The following CPLX4 variants were observed in gnomAD, a reference collection of about 807,000 sequenced individuals.
CPLX4 encodes the protein complexin-4.
A neutral mutation model predicts 16.1 loss-of-function variants in CPLX4; 17 were observed. The ratio of observed to expected loss-of-function variants is 1.06; its 90% confidence interval spans 0.72 to 1.59. The LOEUF is 1.59. Among genes scored for constraint, CPLX4 ranks in the 40% most tolerant of loss-of-function variants. CPLX4 has a pLI of 0.00. For missense variants in CPLX4, 193 were observed against 192.9 expected, an observed-to-expected ratio of 1.00 and a Z score of 0.00; for synonymous variants, 55 against 57.8, an observed-to-expected ratio of 0.95 and a Z score of 0.22.
At chr18:59,299,918 G>C (rs1237647412) in intron 2 of CPLX4, among the ~76,000 whole-genome samples, 1 of 152,212 alleles carries the variant, frequency 6.6e-6, no homozygotes. Context: ...GGTGATTCTG[G>C]GGCTTGCTGA....
In CPLX4 at chr18:59,296,697, C is replaced by T. The variant is rs761684060; in HGVS notation, c.*1G>A. ...TTCCCTCCCTCCACCCCTCCCACCC[C>T]TCACATCACGGAACACTTCTGCTCC... is the stretch of plus-strand genomic sequence containing the variant. On this transcript the variant is annotated 3_prime_UTR_variant, in exon 3 of 3. Transcript: ENST00000299721. 2.5e-6 allele frequency: 4 copies of T among 1,611,276 alleles called. No individual in the cohort carries two copies. In the Admixed American group the frequency reaches 5.0e-5, roughly 20 times the overall value.
At chr18:59,314,901 C>G (rs2070642273) in intron 1 of CPLX4, among the ~76,000 whole-genome samples, 1 of 152,196 alleles carries the variant, frequency 6.6e-6, no homozygotes, top group Non-Finnish European at 1.5e-5. Context: ...CACCATTTGT[C>G]TAGTCATTTT....
At chr18:59,311,661 T>C (rs983481301) in intron 2 of CPLX4, among the ~76,000 whole-genome samples, 6 of 152,130 alleles carry the variant, frequency 3.9e-5, no homozygotes, top group African/African-American at 1.4e-4. Flanking sequence ...GAATATGAAA[T>C]TGAATAACCA....
rs1334321921 is a variant in CPLX4, at chr18:59,296,434, A to T, written c.*264T>A. ...CTCATCTCAAGGTCTTTAAGCAGATATGTGTTCTGCATCATCATTTACAAC... is the reference window on the plus strand; with the variant it reads ...CTCATCTCAAGGTCTTTAAGCAGATTTGTGTTCTGCATCATCATTTACAAC... On this transcript the variant is annotated 3_prime_UTR_variant, in exon 3 of 3. Transcript: ENST00000299721. The T allele has an allele frequency of 8.0e-6, 4 of 497,396 alleles. No individual in the cohort carries two copies. Among genetic ancestry groups the T allele is most frequent in the Middle Eastern group, 5.4e-4 (1 of 1,846 alleles). 30.8% of individuals were successfully genotyped at this position (497,396 alleles called of 1,614,324 possible).
intron 1 of CPLX4, among the ~76,000 whole-genome samples, chr18:59,314,533 T>G (rs1218670517): frequency 6.6e-6 from 1 of 152,202 alleles, no homozygotes; most frequent in African/African-American, 2.4e-5. Context: ...TCCAATGCAA[T>G]GCACAAACCT....
chr18:59,296,040 C>T lies in CPLX4; in HGVS notation c.*658G>A, dbSNP rs7243416. 46,473 of 152,140 alleles carry T rather than the reference C, an allele frequency of 0.31. 7,317 individuals are homozygous for T. Among genetic ancestry groups the T allele is most frequent in the East Asian group, 0.52 (2,672 of 5,166 alleles). 9.4% of individuals were successfully genotyped at this position (152,140 alleles called of 1,614,324 possible). A position where few individuals can be genotyped will look rare whatever the true frequency, so the allele number is the denominator to read the frequency against. On this transcript the variant is annotated 3_prime_UTR_variant, in exon 3 of 3. Transcript: ENST00000299721. Reference sequence around the variant, plus strand: ...TCCATTCTTCACATGGCCACTAGAACGATGATCTCCATTGCAAAGGGCTAG... The same window carrying T: ...TCCATTCTTCACATGGCCACTAGAATGATGATCTCCATTGCAAAGGGCTAG...
At chr18:59,298,467 G>T (rs924731539) in intron 2 of CPLX4, among the ~76,000 whole-genome samples, 1 of 151,996 alleles carries the variant, frequency 6.6e-6, no homozygotes, top group African/African-American at 2.4e-5. Context: ...TGAGAGGAAA[G>T]ATCTATGTTA....
chr18:59,315,212 A>G (rs147182352), intron 1 of CPLX4, among the ~76,000 whole-genome samples: 252 of 152,294 alleles, frequency 1.7e-3, no homozygotes, highest in African/African-American at 5.8e-3. Context: ...TTTTAGCCAT[A>G]CTGGTGTTTA....
chr18:59,318,405 C>G lies in CPLX4; in HGVS notation c.58G>C (p.Gly20Arg), dbSNP rs145936799. 1.1e-5 allele frequency: 18 copies of G among 1,613,634 alleles called. No homozygotes were observed. The African/African-American group carries it at 2.1e-4, about 19-fold the overall frequency. Residue 20 changes from glycine to arginine, a missense_variant, in exon 1 of 3, where the codon GGT becomes CGT. Physicochemically the swap from Gly to Arg is moderately radical, Grantham distance 125. Transcript: ENST00000299721. ...SNQVKNLGFG[G>R]GSEENKEEGG... ...TCTTCTTTATTTTCTTCAGACCCAC[C>G]ACCAAATCCTAAATTCTTTACCTGG... is the stretch of plus-strand genomic sequence containing the variant.
rs1412188964 is a variant in CPLX4 at position 59,301,337 on chromosome 18, A to G, written c.256-4412T>C. ...AGAGACCAAGAGAGCCCTCTAAAAC[A>G]TGGGCCCCAGGGCAGTGGCCTCAGA... On this transcript the variant is annotated intron_variant, in intron 2 of 2. Transcript: ENST00000299721. Among the ~76,000 whole-genome samples the G allele has an allele frequency of 2.0e-5, 3 of 152,230 alleles. No homozygotes were observed. In the East Asian group the frequency reaches 5.8e-4, roughly 29 times the overall value.
intron 2 of CPLX4, among the ~76,000 whole-genome samples, chr18:59,300,194 G>A (rs895108572): frequency 6.6e-6 from 1 of 152,144 alleles, no homozygotes; most frequent in South Asian, 2.1e-4. Flanking sequence ...TTAGCAGGGA[G>A]TGGTGGCACA....
intron 2 of CPLX4, among the ~76,000 whole-genome samples, chr18:59,311,733 T>A (rs1329367925): frequency 6.6e-6 from 1 of 152,162 alleles, no homozygotes; most frequent in African/African-American, 2.4e-5. Context: ...TGGAGTCAGG[T>A]GGTATGAGTC....
Position 59,312,703 on chromosome 18 carries a change from TTC to T in CPLX4, c.235_236del (p.Glu79LysfsTer8), listed in dbSNP as rs2070625843. ...ERACLRVHLR[E>X]KYRLPKSEMD... ...GTCTTACCTTTGGGAGCCTGTATTT[TTC>T]TCTGAGATGAACTCTGAGGCATGCC... On this transcript the variant is annotated frameshift_variant, in exon 2 of 3. Coordinates refer to ENST00000299721, the MANE Select transcript of CPLX4 (RefSeq NM_181654.4). LOFTEE classifies it high-confidence loss of function. The T allele has an allele frequency of 7.3e-7, 1 of 1,370,402 alleles. No homozygotes were observed. Among genetic ancestry groups the T allele is most frequent in the South Asian group, 1.2e-5 (1 of 86,184 alleles). The allele number at this position is 1,370,402 out of a possible 1,614,324, so 84.9% of individuals were successfully genotyped here. A position where few individuals can be genotyped will look rare whatever the true frequency, so the allele number is the denominator to read the frequency against.
At chr18:59,315,437 G>T (rs2070645099) in intron 1 of CPLX4, among the ~76,000 whole-genome samples, 1 of 151,962 alleles carries the variant, frequency 6.6e-6, no homozygotes. Flanking sequence ...CCAGTCCTTT[G>T]TCAGATATAT....
At chr18:59,313,399 T>G (rs1376860642) in intron 1 of CPLX4, among the ~76,000 whole-genome samples, 1 of 152,190 alleles carries the variant, frequency 6.6e-6, no homozygotes, top group Non-Finnish European at 1.5e-5. Context: ...GTTTCCAGAA[T>G]GTCAGACTGG....
chr18:59,298,827 G>A (rs544774713), intron 2 of CPLX4, among the ~76,000 whole-genome samples: 3 of 152,284 alleles, frequency 2.0e-5, no homozygotes, highest in African/African-American at 7.2e-5. Context: ...TCCTTGGAGG[G>A]GCTGAAGCCC....
At chr18:59,314,349 CT>C (rs35048382) in intron 1 of CPLX4, among the ~76,000 whole-genome samples, 18,831 of 149,782 alleles carry the variant, frequency 0.13, 1,512 homozygotes, top group African/African-American at 0.23. Context: ...TCTCACTGTA[CT>C]TTTTTTTTTA....
intron 2 of CPLX4, among the ~76,000 whole-genome samples, chr18:59,312,273 GT>G (rs200966409): frequency 2.0e-5 from 3 of 151,540 alleles, no homozygotes; most frequent in Non-Finnish European, 2.9e-5. Flanking sequence ...ATTAACTCCA[GT>G]TTTTTTTAGC....
Position 59,318,630 on chromosome 18 carries a change from T to G in CPLX4, c.-168A>C. On this transcript the variant is annotated 5_prime_UTR_variant, in exon 1 of 3. Transcript: ENST00000299721. ...TCAAGGGCATACTGATAGAGAAGAG[T>G]GGTTTGTCGGCCGTAAGCTGGATTA... is the stretch of plus-strand genomic sequence containing the variant. The G allele has an allele frequency of 1.6e-6, 2 of 1,282,728 alleles. No homozygotes were observed. The highest frequency in any genetic ancestry group is 2.1e-6 in the Non-Finnish European group (2 of 974,914). 79.5% of individuals were successfully genotyped at this position (1,282,728 alleles called of 1,614,324 possible). A position where few individuals can be genotyped will look rare whatever the true frequency, so the allele number is the denominator to read the frequency against.
Sources: allele counts gnomAD v4.1 joint callset (sites outside exome capture counted in the v4.1 genomes callset), GRCh38; gene constraint gnomAD v4.1.1; transcripts MANE v1.5; gene names NCBI Gene and HGNC (gene_info 2026-07-23, HGNC 2026-07-21).